Variants in NPSR1 observed in about 807,000 individuals in gnomAD.
NPSR1 encodes neuropeptide S receptor.
A neutral mutation model predicts 46.9 loss-of-function variants in NPSR1; 48 were observed. That is an observed-to-expected ratio of 1.02 (90% CI 0.81 to 1.30). The LOEUF is 1.30. NPSR1 is among the 50% of genes most tolerant of loss of function. The pLI, the probability that NPSR1 is intolerant of heterozygous loss-of-function variation, is 0.00. For missense variants in NPSR1, 450 were observed against 449.5 expected, an observed-to-expected ratio of 1.00 and a Z score of -0.01; for synonymous variants, 176 against 168.1, an observed-to-expected ratio of 1.05 and a Z score of -0.36.
At chr7:34,792,336 C>G (rs977549354) in intron 3 of NPSR1, among the ~76,000 whole-genome samples, 1 of 151,478 alleles carries the variant, frequency 6.6e-6, no homozygotes, top group East Asian at 2.0e-4. Flanking sequence ...GGTTAATATC[C>G]AAAATATATT....
At chr7:34,867,649 G>A (rs1179480018) in intron 8 of NPSR1, among the ~76,000 whole-genome samples, 2 of 151,904 alleles carry the variant, frequency 1.3e-5, no homozygotes, top group African/African-American at 4.9e-5. Flanking sequence ...GAGCAACAGG[G>A]ATGATTGATT....
At chr7:34,707,659 T>C (rs560543693) in intron 2 of NPSR1, among the ~76,000 whole-genome samples, 1 of 152,334 alleles carries the variant, frequency 6.6e-6, no homozygotes, top group African/African-American at 2.4e-5. Context: ...AAAGGATAAT[T>C]TTGCTTTCAT....
At chr7:34,658,902 AGTAGGG>A (rs1791317360) in intron 1 of NPSR1, among the ~76,000 whole-genome samples, 1 of 152,160 alleles carries the variant, frequency 6.6e-6, no homozygotes, top group South Asian at 2.1e-4. Context: ...GTCTGTTTCT[AGTAGGG>A]GTTAGAGCTA....
chr7:34,859,877 CG>C (rs1049439857), intron 8 of NPSR1, among the ~76,000 whole-genome samples: 1 of 151,610 alleles, frequency 6.6e-6, no homozygotes, highest in Non-Finnish European at 1.5e-5. Context: ...GGAGCATCCC[CG>C]GGGGTCAGAG....
chr7:34,661,206 T>TAC (rs897834886), intron 1 of NPSR1, among the ~76,000 whole-genome samples: 4 of 152,262 alleles, frequency 2.6e-5, no homozygotes, highest in African/African-American at 9.6e-5. Context: ...CATCAGCCCC[T>TAC]ACCCTGCCTG....
At position 34,658,511 on chromosome 7, in the gene NPSR1, TGAAGTGGTG is replaced by T; in HGVS notation, c.104_112del (p.Val35_Glu37del). 1 of 1,614,186 alleles carries T rather than the reference TGAAGTGGTG, an allele frequency of 6.2e-7. No homozygotes were observed. The highest frequency in any genetic ancestry group is 8.5e-7 in the Non-Finnish European group (1 of 1,180,006). ...CTTGCACTGAAACAGTGACTTTTAC[TGAAGTGGTG>T]GAAGGAAAGGAATGGGGTTCCTTCT... On this transcript the variant is annotated inframe_deletion, in exon 1 of 9. Transcript: ENST00000360581.
intron 4 of NPSR1, among the ~76,000 whole-genome samples, chr7:34,824,406 T>G (rs1178779508): frequency 6.6e-6 from 1 of 152,166 alleles, no homozygotes; most frequent in African/African-American, 2.4e-5. Flanking sequence ...AACCTGCATT[T>G]CATCTGTTCG....
intron 8 of NPSR1, among the ~76,000 whole-genome samples, chr7:34,862,512 C>T (rs1264017987): frequency 6.6e-6 from 1 of 151,764 alleles, no homozygotes; most frequent in African/African-American, 2.4e-5. Context: ...GGATCAGTTC[C>T]CTGCATTGAG....
At chr7:34,798,283 C>T (rs34416500) in intron 3 of NPSR1, among the ~76,000 whole-genome samples, 1 of 152,182 alleles carries the variant, frequency 6.6e-6, no homozygotes, top group Non-Finnish European at 1.5e-5. Flanking sequence ...GCCTGTAATC[C>T]CAGAACTTTG....
At chr7:34,877,569 C>T (rs1791607387) in intron 8 of NPSR1, among the ~76,000 whole-genome samples, 1 of 152,160 alleles carries the variant, frequency 6.6e-6, no homozygotes, top group Non-Finnish European at 1.5e-5. Flanking sequence ...CTACACACAC[C>T]TGATGAGGAC....
intron 2 of NPSR1, among the ~76,000 whole-genome samples, chr7:34,743,557 A>G (rs1000596317): frequency 1.3e-5 from 2 of 151,740 alleles, no homozygotes; most frequent in African/African-American, 4.8e-5. Flanking sequence ...TCTCTGTCTC[A>G]GTCTCCCGAG....
In NPSR1 at chr7:34,757,058, C is replaced by T. The variant is rs935049696; in HGVS notation, c.281-21404C>T. ...ATTGAGTTTGATGCTTCCTGTTGTA[C>T]GCAAAAATTGCCATGTTGGTTCGAT... On this transcript the variant is annotated intron_variant, in intron 2 of 8. Coordinates refer to ENST00000360581, the MANE Select transcript of NPSR1 (RefSeq NM_207172.2). Among the ~76,000 whole-genome samples, 53 of 152,130 alleles carry T rather than the reference C, an allele frequency of 3.5e-4. 1 individual carries two copies. Among genetic ancestry groups the T allele is most frequent in the Admixed American group, 2.6e-3 (40 of 15,278 alleles).
At chr7:34,812,634 G>C (rs1789043826) in intron 4 of NPSR1, among the ~76,000 whole-genome samples, 1 of 152,100 alleles carries the variant, frequency 6.6e-6, no homozygotes, top group Admixed American at 6.5e-5. Flanking sequence ...CTAGAGGAAG[G>C]GTGAGTACAT....
intron 1 of NPSR1, among the ~76,000 whole-genome samples, chr7:34,666,736 C>T (rs890398382): frequency 5.9e-5 from 9 of 151,774 alleles, no homozygotes; most frequent in African/African-American, 2.2e-4. Flanking sequence ...TAAAACATGG[C>T]CCCCAGAGAG....
At chr7:34,868,199 T>C (rs958751292) in intron 8 of NPSR1, among the ~76,000 whole-genome samples, 5 of 151,682 alleles carry the variant, frequency 3.3e-5, no homozygotes, top group African/African-American at 9.8e-5. Context: ...GTAGACCCTT[T>C]CAGCGATAGC....
At chr7:34,785,932 T>C (rs1270039117) in intron 3 of NPSR1, among the ~76,000 whole-genome samples, 1 of 152,182 alleles carries the variant, frequency 6.6e-6, no homozygotes, top group African/African-American at 2.4e-5. Flanking sequence ...TATTGGCCTT[T>C]TTACTGTTGG....
At chr7:34,809,589 G>A (rs1048357036) in intron 3 of NPSR1, among the ~76,000 whole-genome samples, 3 of 149,644 alleles carry the variant, frequency 2.0e-5, no homozygotes, top group African/African-American at 4.9e-5. Flanking sequence ...TCAGCCTCCC[G>A]AGTAGCTGGG....
At chr7:34,750,847 T>C in intron 2 of NPSR1, 3 of 696,134 alleles carry the variant, frequency 4.3e-6, no homozygotes, top group Non-Finnish European at 8.2e-6. Flanking sequence ...CCAGGCTTTG[T>C]CTGCTTGTCT....
intron 2 of NPSR1, chr7:34,710,970 C>G (rs1783252053): frequency 2.8e-6 from 1 of 355,972 alleles, no homozygotes; most frequent in Non-Finnish European, 5.4e-6. Context: ...ATTCAAATGG[C>G]TAGGATGGCA....
Sources: gnomAD v4.1 joint callset for allele counts (sites outside exome capture counted in the v4.1 genomes callset) on GRCh38, gnomAD v4.1.1 for gene constraint, MANE v1.5 for transcripts, NCBI Gene and HGNC (gene_info 2026-07-23, HGNC 2026-07-21) for gene names.